The following MOCS2 variants were observed in gnomAD, a reference collection of about 807,000 sequenced individuals.
MOCS2 encodes the protein molybdenum cofactor synthesis 2, also known as molybdopterin synthase catalytic subunit.
Under a neutral mutation model 21.9 loss-of-function variants are expected in MOCS2, and 13 were observed. That is an observed-to-expected ratio of 0.59 (90% CI 0.39 to 0.94). MOCS2 has a LOEUF of 0.94. Among genes scored for constraint, MOCS2 ranks in the 40% least tolerant of loss-of-function variants. The pLI is 0.00. For missense variants in MOCS2, 227 were observed against 218.3 expected (o/e 1.04, Z -0.25); for synonymous variants, 92 against 80.8 (o/e 1.14, Z -0.74).
chr5:53,109,427 TA>T lies in MOCS2; in HGVS notation c.-347del. 8.0e-7 allele frequency: 1 copy of T among 1,251,862 alleles called. No individual in the cohort carries two copies. The highest frequency in any genetic ancestry group is 1.0e-6 in the Non-Finnish European group (1 of 998,186). 77.5% of individuals were successfully genotyped at this position (1,251,862 alleles called of 1,614,324 possible). On this transcript the variant is annotated 5_prime_UTR_variant, in exon 1 of 7. Coordinates refer to ENST00000396954, the MANE Select transcript of MOCS2 (RefSeq NM_004531.5). ...GAATAATCTGGGAAAGAGGTGGTCA[TA>T]AAAGGTGGAGGCGCCTTCAGAACGA...
At position 53,108,441 on chromosome 5, in the gene MOCS2, T is replaced by A. The variant is rs915621207; in HGVS notation, c.-48+81A>T. ...TTGACATTAAGCACGGAAATCGAAA[T>A]TAACCTTTTTACTTTTATCATTTAT... On this transcript the variant is annotated intron_variant, in intron 2 of 6. Transcript: ENST00000396954. The A allele has an allele frequency of 1.1e-4, 153 of 1,362,502 alleles. 4 individuals are homozygous for A. The South Asian group carries it at 1.8e-3, about 16-fold the overall frequency. The allele number at this position is 1,362,502 out of a possible 1,614,324, so 84.4% of individuals were successfully genotyped here. A position where few individuals can be genotyped will look rare whatever the true frequency, so the allele number is the denominator to read the frequency against.
intron 6 of MOCS2, among the ~76,000 whole-genome samples, chr5:53,099,760 C>T (rs990307014): frequency 6.6e-6 from 1 of 152,146 alleles, no homozygotes; most frequent in African/African-American, 2.4e-5. Flanking sequence ...TTCTGTCAAC[C>T]ACAACGCTGT....
chr5:53,109,330 A>C lies in MOCS2; in HGVS notation c.-249T>G. 1.9e-6 allele frequency: 2 copies of C among 1,070,038 alleles called. No individual in the cohort carries two copies. Among genetic ancestry groups the C allele is most frequent in the Non-Finnish European group, 2.3e-6 (2 of 885,046 alleles). The allele number at this position is 1,070,038 out of a possible 1,614,324, so 66.3% of individuals were successfully genotyped here. On this transcript the variant is annotated 5_prime_UTR_variant, in exon 1 of 7. Transcript: ENST00000396954. Reference sequence around the variant, plus strand: ...CAAGGGTGTAGAAATCCACAGATGAAGCACAGTTCTTCACAAGAATTCTCC... The same window carrying C: ...CAAGGGTGTAGAAATCCACAGATGACGCACAGTTCTTCACAAGAATTCTCC...
chr5:53,108,869 C>G (rs1042801894), intron 1 of MOCS2, among the ~76,000 whole-genome samples: 7 of 152,166 alleles, frequency 4.6e-5, no homozygotes, highest in African/African-American at 1.4e-4. Context: ...TTTAGTTTTA[C>G]AAACTTAAGT....
intron 1 of MOCS2, among the ~76,000 whole-genome samples, chr5:53,108,941 T>A (rs142506063): frequency 1.3e-5 from 2 of 152,326 alleles, no homozygotes; most frequent in Non-Finnish European, 2.9e-5. Flanking sequence ...CTGCCTTAAT[T>A]GACATAAAAG....
chr5:53,099,769 GTAGGCAATTC>G (rs566088888), intron 6 of MOCS2, among the ~76,000 whole-genome samples: 173 of 152,302 alleles, frequency 1.1e-3, no homozygotes, highest in African/African-American at 3.9e-3. Flanking sequence ...CCACAACGCT[GTAGGCAATTC>G]TAGACAATTC....
intron 4 of MOCS2, among the ~76,000 whole-genome samples, 158 bp from the exon 5 acceptor site, chr5:53,101,667 A>G (rs1310800490): frequency 6.6e-6 from 1 of 152,246 alleles, no homozygotes; most frequent in Non-Finnish European, 1.5e-5. Context: ...AATCTTCTAA[A>G]AACAAAATTT....
chr5:53,108,492 C>T, intron 2 of MOCS2, 30 bp downstream of exon 2: 1 of 1,588,524 alleles, frequency 6.3e-7, no homozygotes, highest in Non-Finnish European at 8.6e-7. Flanking sequence ...CTAAGTGTTA[C>T]TCATATGCAT....
At chr5:53,100,870 C>T (rs376145998) in intron 5 of MOCS2, 23 of 332,944 alleles carry the variant, frequency 6.9e-5, no homozygotes, top group Non-Finnish European at 7.9e-5. Context: ...TATGTCCTAA[C>T]GAGTATAATA....
intron 1 of MOCS2, 117 bp downstream of exon 1, chr5:53,109,133 TA>T: frequency 4.0e-6 from 1 of 250,052 alleles, no homozygotes; most frequent in Non-Finnish European, 6.4e-6. Context: ...TGCAACATAG[TA>T]AATCTGACAT....
chr5:53,108,453 C>T, intron 2 of MOCS2, 69 bp downstream of exon 2: 2 of 1,436,786 alleles, frequency 1.4e-6, no homozygotes, highest in African/African-American at 1.5e-5. Flanking sequence ...AACCTTTTTA[C>T]TTTTATCATT....
rs1740877830 is a variant in MOCS2 at position 53,100,474 on chromosome 5, T to C, written c.438A>G (p.Ala146=). The C allele has an allele frequency of 2.5e-6, 4 of 1,613,820 alleles. No homozygotes were observed. Among genetic ancestry groups the C allele is most frequent in the Non-Finnish European group, 3.4e-6 (4 of 1,179,770 alleles). ...IIAVSSAHRA[A]SLEAVSYAID... ...TGGCATAGCTCACAGCTTCAAGAGA[T>C]GCAGCTCTGTGGGCTGAGGACACAG... The change falls in exon 6 of 7, where the codon GCA becomes GCG. Residue 146 remains alanine, a synonymous_variant. Coordinates refer to ENST00000396954, the MANE Select transcript of MOCS2 (RefSeq NM_004531.5).
At chr5:53,103,174 TC>T (rs1380723267) in intron 3 of MOCS2, among the ~76,000 whole-genome samples, 1 of 152,160 alleles carries the variant, frequency 6.6e-6, no homozygotes, top group Non-Finnish European at 1.5e-5. Flanking sequence ...TTAACAAAAC[TC>T]AATTATGTGT....
rs989688918 is a variant in MOCS2 at position 53,101,503 on chromosome 5, G to A, written c.233C>T (p.Thr78Ile). 2 of 1,596,464 alleles carry A rather than the reference G, an allele frequency of 1.3e-6. No individual in the cohort carries two copies. The highest frequency in any genetic ancestry group is 1.7e-5 in the Admixed American group (1 of 59,814). Residue 78 changes from threonine to isoleucine, a missense_variant, in exon 5 of 7, where the codon ACA becomes ATA. Physicochemically the swap from Thr to Ile is moderately conservative, Grantham distance 89. Transcript: ENST00000396954. ...CGAISLFVGTTRNNFEGKKVI... is the reference protein window; with the variant it reads ...CGAISLFVGTIRNNFEGKKVI... Reference sequence around the variant, plus strand: ...TTTTTTCCCTTCAAAGTTATTTCTTGTAGTCCCTTTAAAAATGAAAAAAAA... The same window carrying A: ...TTTTTTCCCTTCAAAGTTATTTCTTATAGTCCCTTTAAAAATGAAAAAAAA...
chr5:53,108,382 G>C (rs879736952), intron 2 of MOCS2, 140 bp downstream of exon 2: 2 of 799,038 alleles, frequency 2.5e-6, no homozygotes. Context: ...GAGTTTTTCA[G>C]GTGTTCCAAA....
intron 3 of MOCS2, among the ~76,000 whole-genome samples, chr5:53,103,429 GA>G (rs1177078610): frequency 6.6e-6 from 1 of 152,132 alleles, no homozygotes; most frequent in Non-Finnish European, 1.5e-5. Context: ...AGGAAGAACA[GA>G]AGTGACAGTG....
At chr5:53,107,038 TC>T (rs1741067998) in intron 3 of MOCS2, 38 bp downstream of exon 3, 1 of 1,611,068 alleles carries the variant, frequency 6.2e-7, no homozygotes, top group Non-Finnish European at 8.5e-7. Flanking sequence ...GTATGATCCT[TC>T]CCCACACGAC....
chr5:53,100,797 T>C (rs1412768683), intron 5 of MOCS2: 5 of 450,814 alleles, frequency 1.1e-5, no homozygotes, highest in Admixed American at 3.6e-5. Context: ...AATCCTTTCA[T>C]TGATAGAGCA....
rs1334111296 is a variant in MOCS2, at chr5:53,098,380, T to G, written c.*222A>C. 1.7e-6 allele frequency: 1 copy of G among 573,834 alleles called. No individual in the cohort carries two copies. Among genetic ancestry groups the G allele is most frequent in the African/African-American group, 1.9e-5 (1 of 53,268 alleles). 35.5% of individuals were successfully genotyped at this position (573,834 alleles called of 1,614,324 possible). ...ATATCTTTCCTCACATTTAAATTAT[T>G]CCATTTCTTCCTACAGTCCTCCTTC... On this transcript the variant is annotated 3_prime_UTR_variant, in exon 7 of 7. Transcript: ENST00000396954.
Sources: allele counts gnomAD v4.1 joint callset (sites outside exome capture counted in the v4.1 genomes callset), GRCh38; gene constraint gnomAD v4.1.1; transcripts MANE v1.5; gene names NCBI Gene and HGNC (gene_info 2026-07-23, HGNC 2026-07-21).